Variants in LONP2 observed in about 807,000 individuals in gnomAD.
The protein encoded by LONP2 is lon peptidase 2, peroxisomal, also known as lon protease homolog 2, peroxisomal.
LONP2 carries 60 observed loss-of-function variants against 85.6 expected under a neutral mutation model. The ratio of observed to expected loss-of-function variants is 0.70; its 90% CI spans 0.57 to 0.87. LONP2 has a LOEUF of 0.87. Ranked by LOEUF, LONP2 falls within the 40% of genes least tolerant of loss-of-function variation. The pLI is 0.00. For missense variants in LONP2, 860 were observed against 1,063.5 expected, an observed-to-expected ratio of 0.81 and a Z score of 2.66; for synonymous variants, 395 against 389.7, an observed-to-expected ratio of 1.01 and a Z score of -0.16.
In LONP2 at chr16:48,347,622, T is replaced by C; in HGVS notation, c.2054T>C (p.Leu685Pro). Residue 685 changes from leucine (L) to proline (P), a missense_variant, in exon 13 of 15, where the codon CTG (leucine) becomes CCG (proline). By Grantham distance (98) the Leu-to-Pro change is moderately conservative (BLOSUM62 -3). This residue lies in a region of LONP2 where 743 missense variants were observed against 917.3 expected (regional missense o/e 0.81). Coordinates refer to ENST00000285737, the MANE Select transcript of LONP2 (RefSeq NM_031490.5). ...SRMDGEGQLTLTGQLGDVMKE... is the reference protein window; with the variant it reads ...SRMDGEGQLTPTGQLGDVMKE... Reference sequence around the variant, plus strand: ...ATGGATGGCGAGGGCCAGTTAACTCTGACCGGCCAGCTCGGGGACGTGATG... The same window carrying C: ...ATGGATGGCGAGGGCCAGTTAACTCCGACCGGCCAGCTCGGGGACGTGATG... 2.5e-6 allele frequency: 4 copies of C among 1,614,266 alleles called. No individual in the cohort carries two copies. Among genetic ancestry groups the C allele is most frequent in the Non-Finnish European group, 3.4e-6 (4 of 1,180,044 alleles).
chr16:48,262,879 CA>C lies in LONP2; in HGVS notation c.982+13del. 3.2e-6 allele frequency: 5 copies of C among 1,541,316 alleles called. No individual in the cohort carries two copies. Among genetic ancestry groups the C allele is most frequent in the East Asian group, 2.3e-5 (1 of 44,148 alleles). ...TGGAACAAAAGTACAACTGGTAAGC[CA>C]AAAAATAACACCTGTTTTGCAGTCT... On this transcript the variant is annotated splice_region_variant and intron_variant, in intron 6 of 14. Transcript: ENST00000285737.
At chr16:48,323,412 T>C (rs1973306376) in intron 11 of LONP2, among the ~76,000 whole-genome samples, 2 of 152,202 alleles carry the variant, frequency 1.3e-5, no homozygotes, top group South Asian at 4.1e-4. Flanking sequence ...CCCAGCACTT[T>C]GGGAGGCCAA....
chr16:48,348,405 A>G (rs955303616), intron 14 of LONP2, 115 bp downstream of exon 14: 73 of 560,468 alleles, frequency 1.3e-4, no homozygotes, highest in Non-Finnish European at 1.7e-4. Flanking sequence ...TTAAGTATAT[A>G]TTATATTTTT....
intron 11 of LONP2, among the ~76,000 whole-genome samples, chr16:48,326,954 G>C (rs1286162220): frequency 6.6e-6 from 1 of 152,206 alleles, no homozygotes; most frequent in Admixed American, 6.5e-5. Flanking sequence ...GGAAAAGCCT[G>C]GTCCTTCCCC....
intron 7 of LONP2, among the ~76,000 whole-genome samples, chr16:48,271,060 G>A (rs2150977598): frequency 6.6e-6 from 1 of 152,082 alleles, no homozygotes; most frequent in East Asian, 1.9e-4. Flanking sequence ...TGCACCTGTG[G>A]TCCCAGCTAC....
intron 9 of LONP2, among the ~76,000 whole-genome samples, chr16:48,297,169 A>G (rs1972690963): frequency 1.3e-5 from 2 of 152,008 alleles, no homozygotes; most frequent in Admixed American, 1.3e-4. Flanking sequence ...GACCACGCCC[A>G]GGTAATTTTT....
intron 4 of LONP2, among the ~76,000 whole-genome samples, chr16:48,260,149 T>C (rs1191577290): frequency 6.6e-6 from 1 of 152,220 alleles, no homozygotes; most frequent in Non-Finnish European, 1.5e-5. Flanking sequence ...TTCAGTTTTT[T>C]ATTTATAATA....
At chr16:48,321,702 T>C (rs1973268676) in intron 11 of LONP2, among the ~76,000 whole-genome samples, 1 of 152,196 alleles carries the variant, frequency 6.6e-6, no homozygotes. Flanking sequence ...TAGGCAATTA[T>C]AACAGAGTGG....
chr16:48,308,754 A>G (rs1245735458), intron 11 of LONP2, among the ~76,000 whole-genome samples: 1 of 152,196 alleles, frequency 6.6e-6, no homozygotes, highest in Non-Finnish European at 1.5e-5. Flanking sequence ...CAAAGAGTTC[A>G]TGACTAAGAC....
intron 14 of LONP2, among the ~76,000 whole-genome samples, 166 bp downstream of exon 14, chr16:48,348,456 AAAAG>A (rs757594568): frequency 1.3e-5 from 2 of 151,358 alleles, no homozygotes; most frequent in African/African-American, 2.4e-5. Context: ...TTGATCAAAT[AAAAG>A]AAAAACTGAC....
chr16:48,274,916 C>T (rs577359992), intron 7 of LONP2, among the ~76,000 whole-genome samples: 11 of 152,180 alleles, frequency 7.2e-5, no homozygotes, highest in Non-Finnish European at 1.0e-4. Context: ...TTATAGCCTG[C>T]GGGAGCCGAG....
chr16:48,295,488 C>T (rs1248625289), intron 8 of LONP2, among the ~76,000 whole-genome samples: 1 of 152,160 alleles, frequency 6.6e-6, no homozygotes, highest in African/African-American at 2.4e-5. Flanking sequence ...GTAATTTTTA[C>T]TCTTATTTAA....
chr16:48,278,557 G>A (rs991566806), intron 8 of LONP2, among the ~76,000 whole-genome samples: 5 of 152,226 alleles, frequency 3.3e-5, no homozygotes, highest in Admixed American at 3.3e-4. Flanking sequence ...AAAGAATTCT[G>A]GTTGGAAATA....
chr16:48,253,461 C>T (rs1035991467), intron 2 of LONP2, among the ~76,000 whole-genome samples: 3 of 150,456 alleles, frequency 2.0e-5, no homozygotes, highest in African/African-American at 7.4e-5. Context: ...CAGAGCGAGA[C>T]CCTGACTCAA....
chr16:48,319,992 C>T (rs1973227608), intron 11 of LONP2, among the ~76,000 whole-genome samples: 1 of 151,854 alleles, frequency 6.6e-6, no homozygotes, highest in Non-Finnish European at 1.5e-5. Context: ...GAAACCCCAT[C>T]TCTACTGAAA....
Position 48,356,990 on chromosome 16 carries a change from T to G in LONP2, c.*5188T>G, listed in dbSNP as rs151013593. On this transcript the variant is annotated 3_prime_UTR_variant, in exon 15 of 15. Coordinates refer to ENST00000285737, the MANE Select transcript of LONP2 (RefSeq NM_031490.5). The stretch of plus-strand genomic sequence containing the variant: ...ATTATTTTCAGAATTCAGAAAGGCC[T>G]AAGAAAATTACATCTATGATAATAA... 6.5e-3 allele frequency: 990 copies of G among 153,316 alleles called. 7 individuals carry two copies. Among genetic ancestry groups the G allele is most frequent in the Non-Finnish European group, 8.8e-3 (607 of 68,606 alleles). 9.5% of individuals were successfully genotyped at this position (153,316 alleles called of 1,614,324 possible).
intron 10 of LONP2, among the ~76,000 whole-genome samples, chr16:48,302,322 C>A (rs1972824320): frequency 6.6e-6 from 1 of 152,178 alleles, no homozygotes; most frequent in Non-Finnish European, 1.5e-5. Context: ...TAGCTAAGAG[C>A]TTTTTATCTG....
At chr16:48,264,115 G>A (rs527905145) in intron 6 of LONP2, among the ~76,000 whole-genome samples, 18 of 152,310 alleles carry the variant, frequency 1.2e-4, no homozygotes, top group South Asian at 4.1e-4. Context: ...GCTCCGAGGC[G>A]AAATTAAAAT....
At chr16:48,302,507 A>G (rs1342075194) in intron 10 of LONP2, among the ~76,000 whole-genome samples, 4 of 152,200 alleles carry the variant, frequency 2.6e-5, no homozygotes, top group African/African-American at 9.7e-5. Context: ...TCACTATATA[A>G]TGGTCTGTGG....
Sources: allele counts gnomAD v4.1 joint callset (sites outside exome capture counted in the v4.1 genomes callset), GRCh38; gene constraint gnomAD v4.1.1; regional missense constraint gnomAD v4.1.1; transcripts MANE v1.5; gene names NCBI Gene and HGNC (gene_info 2026-07-23, HGNC 2026-07-21).